The following PALM2AKAP2 variants were observed in gnomAD, a reference collection of about 807,000 sequenced individuals.
The protein encoded by PALM2AKAP2 is PALM2 and AKAP2 fusion.
Under a neutral mutation model 71.5 loss-of-function variants are expected in PALM2AKAP2, and 37 were observed. The ratio of observed to expected loss-of-function variants is 0.52; its 90% CI spans 0.40 to 0.68. The LOEUF (loss-of-function observed/expected upper bound fraction) is 0.68. Among genes scored for constraint, PALM2AKAP2 ranks in the 30% least tolerant of loss-of-function variants. The pLI, the probability that PALM2AKAP2 is intolerant of heterozygous loss-of-function variation, is 0.00. For synonymous variants in PALM2AKAP2, 468 were observed against 478.8 expected, an observed-to-expected ratio of 0.98 and a Z score of 0.29; for missense variants, 1,224 against 1,191.8, an observed-to-expected ratio of 1.03 and a Z score of -0.40.
intron 6 of PALM2AKAP2, among the ~76,000 whole-genome samples, chr9:110,006,324 C>CTCTTTGTTTCTTTCTT (rs1554736921): frequency 9.8e-6 from 1 of 102,102 alleles, no homozygotes; most frequent in Non-Finnish European, 1.9e-5. Flanking sequence ...TTCCTTCCTT[C>CTCTTTGTTTCTTTCTT]TCTTTCTTTC....
chr9:110,028,195 A>G (rs1833215915), intron 7 of PALM2AKAP2, among the ~76,000 whole-genome samples: 1 of 152,172 alleles, frequency 6.6e-6, no homozygotes, highest in Non-Finnish European at 1.5e-5. Context: ...GTAAACTGTA[A>G]TAAACTATAT....
At chr9:110,160,170 A>G (rs763039321) in intron 3 of PALM2AKAP2, among the ~76,000 whole-genome samples, 4 of 152,006 alleles carry the variant, frequency 2.6e-5, no homozygotes, top group African/African-American at 9.7e-5. Flanking sequence ...GAAGATATGA[A>G]GATGCAGCCC....
intron 1 of PALM2AKAP2, among the ~76,000 whole-genome samples, chr9:109,679,166 C>T (rs1827690444): frequency 6.6e-6 from 1 of 152,176 alleles, no homozygotes; most frequent in Non-Finnish European, 1.5e-5. Context: ...TGTGGCTGTG[C>T]TTCCTGCCGA....
At chr9:109,944,733 A>G in intron 6 of PALM2AKAP2, 1 of 152,194 alleles carries the variant, frequency 6.6e-6, no homozygotes, top group Non-Finnish European at 1.5e-5. Context: ...TTTTTTATCT[A>G]GAACACAATG....
At chr9:110,090,462 G>A (rs144253942) in intron 1 of PALM2AKAP2, 1 of 456,342 alleles carries the variant, frequency 2.2e-6, no homozygotes, top group East Asian at 7.0e-5. Flanking sequence ...TGCTGCAGAG[G>A]GAACTTACAC....
intron 1 of PALM2AKAP2, among the ~76,000 whole-genome samples, chr9:109,668,484 C>G (rs1471343725): frequency 1.3e-5 from 2 of 152,234 alleles, no homozygotes; most frequent in East Asian, 1.9e-4. Context: ...AAGCATAACT[C>G]AGACTTTTAG....
At chr9:110,066,819 G>T (rs1834090019) in intron 1 of PALM2AKAP2, among the ~76,000 whole-genome samples, 1 of 151,802 alleles carries the variant, frequency 6.6e-6, no homozygotes, top group African/African-American at 2.4e-5. Flanking sequence ...TTAATATATT[G>T]TTCTTGTCTT....
chr9:109,893,410 G>A (rs533736594), intron 3 of PALM2AKAP2, among the ~76,000 whole-genome samples: 42 of 152,210 alleles, frequency 2.8e-4, no homozygotes, highest in Admixed American at 2.4e-3. Context: ...GTTGAAAAGC[G>A]TGAGAGGCTA....
intron 1 of PALM2AKAP2, among the ~76,000 whole-genome samples, chr9:109,775,185 C>G (rs1203152287): frequency 6.6e-6 from 1 of 152,222 alleles, no homozygotes; most frequent in Non-Finnish European, 1.5e-5. Context: ...CCAGTTTCCT[C>G]TAGGGACTCA....
intron 7 of PALM2AKAP2, among the ~76,000 whole-genome samples, chr9:110,041,724 G>T (rs1833514918): frequency 6.6e-6 from 1 of 152,190 alleles, no homozygotes; most frequent in Non-Finnish European, 1.5e-5. Flanking sequence ...AGAGCCAAGT[G>T]TTCTCTTATG....
intron 1 of PALM2AKAP2, among the ~76,000 whole-genome samples, chr9:109,659,106 C>A (rs1031446003): frequency 2.0e-5 from 3 of 152,016 alleles, no homozygotes; most frequent in Non-Finnish European, 2.9e-5. Context: ...ATACATATTT[C>A]ATATCCTAAA....
chr9:109,853,909 C>G (rs987681613), intron 1 of PALM2AKAP2, among the ~76,000 whole-genome samples: 2 of 152,138 alleles, frequency 1.3e-5, no homozygotes, highest in African/African-American at 2.4e-5. Context: ...TTAACTGGAG[C>G]TTCCTACTGG....
chr9:110,057,374 TTTTTTTGTTTTTTTG>T (rs1231396930), intron 1 of PALM2AKAP2, among the ~76,000 whole-genome samples: 6 of 131,002 alleles, frequency 4.6e-5, no homozygotes, highest in African/African-American at 1.2e-4. Context: ...CTGTTTTTTT[TTTTTTTGTTTTTTTG>T]TTTTTTTTTT....
intron 1 of PALM2AKAP2, among the ~76,000 whole-genome samples, chr9:110,125,235 G>T (rs1835571067): frequency 6.6e-6 from 1 of 152,094 alleles, no homozygotes; most frequent in South Asian, 2.1e-4. Flanking sequence ...CTGAATTGCC[G>T]AGAAGACAGT....
intron 1 of PALM2AKAP2, among the ~76,000 whole-genome samples, chr9:109,673,678 C>T (rs1827607676): frequency 6.6e-6 from 1 of 152,050 alleles, no homozygotes; most frequent in African/African-American, 2.4e-5. Flanking sequence ...GATGATCAGT[C>T]TAATATTGTC....
chr9:109,709,589 C>T lies in PALM2AKAP2; in HGVS notation c.5+68723C>T, dbSNP rs370697869. Among the ~76,000 whole-genome samples the T allele has an allele frequency of 6.9e-3, 1,052 of 152,302 alleles. 11 individuals are homozygous for T. Among genetic ancestry groups the T allele is most frequent in the Non-Finnish European group, 0.011 (739 of 68,032 alleles). On this transcript the variant is annotated intron_variant, in intron 1 of 6. Coordinates refer to the PALM2AKAP2 transcript ENST00000374531. ...TCAGACCCTGACCATGTGTTGACTT[C>T]ACCAGGCTCTACTCCTCAGAGGGGT...
At chr9:110,118,573 A>G (rs1835417614) in intron 1 of PALM2AKAP2, among the ~76,000 whole-genome samples, 1 of 152,082 alleles carries the variant, frequency 6.6e-6, no homozygotes, top group African/African-American at 2.4e-5. Context: ...GAGTGAATTT[A>G]TCTCCTCCAG....
At chr9:109,839,812 G>T (rs969151510) in intron 1 of PALM2AKAP2, among the ~76,000 whole-genome samples, 1 of 152,182 alleles carries the variant, frequency 6.6e-6, no homozygotes, top group African/African-American at 2.4e-5. Flanking sequence ...TACAAGGGAT[G>T]TGAAGGACCT....
At chr9:109,697,056 G>A (rs111429501) in intron 1 of PALM2AKAP2, among the ~76,000 whole-genome samples, 225 of 151,976 alleles carry the variant, frequency 1.5e-3, no homozygotes, top group African/African-American at 5.1e-3. Context: ...AGCACTTCTC[G>A]ATAAATCGCT....
Sources: allele counts gnomAD v4.1 joint callset (sites outside exome capture counted in the v4.1 genomes callset), GRCh38; gene constraint gnomAD v4.1.1; transcripts MANE v1.5; gene names NCBI Gene and HGNC (gene_info 2026-07-23, HGNC 2026-07-21).